Variants in SP4 observed in about 807,000 individuals in gnomAD.
SP4 encodes transcription factor Sp4.
Under a neutral mutation model 72.8 loss-of-function variants are expected in SP4, and 19 were observed. The ratio of observed to expected loss-of-function variants is 0.26; its 90% CI spans 0.18 to 0.38. SP4 has a LOEUF of 0.38. SP4 is among the 10% of genes least tolerant of loss of function. The pLI is 1.00. For synonymous variants in SP4, 395 were observed against 333.1 expected (o/e 1.19, Z -2.02); for missense variants, 1,008 against 926.3 (o/e 1.09, Z -1.14).
chr7:21,452,710 A>T (rs1780990368), intron 3 of SP4, among the ~76,000 whole-genome samples: 1 of 152,180 alleles, frequency 6.6e-6, no homozygotes, highest in African/African-American at 2.4e-5. Context: ...ACTCACAAGT[A>T]GTTTCCAAAT....
chr7:21,503,022 GT>G (rs1781908622), intron 5 of SP4, among the ~76,000 whole-genome samples: 1 of 151,890 alleles, frequency 6.6e-6, no homozygotes, highest in African/African-American at 2.4e-5. Flanking sequence ...CTCGAGTATA[GT>G]GAGTCCACCT....
intron 5 of SP4, among the ~76,000 whole-genome samples, chr7:21,488,308 T>C (rs966531755): frequency 6.6e-6 from 1 of 152,154 alleles, no homozygotes; most frequent in Non-Finnish European, 1.5e-5. Flanking sequence ...CCCCAATTTT[T>C]TGATAGTAGT....
rs140123782 is a variant in SP4, at chr7:21,500,761, C to T, written c.2108-10261C>T. Among the ~76,000 whole-genome samples, 137 of 152,250 alleles carry T rather than the reference C, an allele frequency of 9.0e-4. No individual in the cohort carries two copies. The East Asian group carries it at 0.023, about 26-fold the overall frequency. The stretch of plus-strand genomic sequence containing the variant: ...CTGATTCTAGCTAAAGAAAGCTCTT[C>T]GCTTTTAAGAATTCATGTGATTACA... On this transcript the variant is annotated intron_variant, in intron 5 of 5. Transcript: ENST00000222584.
chr7:21,467,178 A>C (rs932786419), intron 3 of SP4, among the ~76,000 whole-genome samples: 2 of 152,144 alleles, frequency 1.3e-5, no homozygotes, highest in African/African-American at 4.8e-5. Flanking sequence ...TACTCACTAT[A>C]TACCAGTAAT....
intron 5 of SP4, among the ~76,000 whole-genome samples, chr7:21,491,277 G>T (rs141058163): frequency 5.3e-4 from 80 of 152,224 alleles, no homozygotes; most frequent in Middle Eastern, 6.8e-3. Flanking sequence ...TTAAAAGTAA[G>T]TTTATCAGAT....
intron 5 of SP4, among the ~76,000 whole-genome samples, chr7:21,484,875 A>G (rs986782488): frequency 3.9e-5 from 6 of 151,902 alleles, no homozygotes; most frequent in Admixed American, 2.0e-4. Context: ...TTATATATAC[A>G]TATACTTCAA....
rs979958807 is a variant in SP4 at position 21,514,702 on chromosome 7, AC to A, written c.*3434del. The A allele has an allele frequency of 1.3e-5, 2 of 152,228 alleles. No individual in the cohort carries two copies. The highest frequency in any genetic ancestry group is 1.3e-4 in the Admixed American group (2 of 15,276). The allele number at this position is 152,228 out of a possible 1,614,324, so 9.4% of individuals were successfully genotyped here. On this transcript the variant is annotated 3_prime_UTR_variant, in exon 6 of 6. Transcript: ENST00000222584. ...TGTGGATTTGGAAATAAAATCATGT[AC>A]AAGTTGTTGCCTGCAATAACAATTG...
chr7:21,462,706 T>C (rs921975802), intron 3 of SP4, among the ~76,000 whole-genome samples: 5 of 152,200 alleles, frequency 3.3e-5, no homozygotes, highest in Non-Finnish European at 5.9e-5. Context: ...TGCAGAATTA[T>C]GAGAACTGAA....
chr7:21,460,236 G>A (rs999333685), intron 3 of SP4, among the ~76,000 whole-genome samples: 4 of 152,168 alleles, frequency 2.6e-5, no homozygotes, highest in Non-Finnish European at 5.9e-5. Flanking sequence ...TCTTAAAGGC[G>A]GCATGTCCAG....
chr7:21,511,241 A>C lies in SP4; in HGVS notation c.2327A>C (p.Asn776Thr). ...ISQDSNPATP[N>T]VSTNMEEF is the part of the protein sequence containing the mutation. ...CAAGATTCGAATCCAGCAACTCCCA[A>C]TGTTTCAACCAACATGGAAGAATTC... Residue 776 changes from asparagine to threonine, a missense_variant, in exon 6 of 6, where the codon AAT (asparagine) becomes ACT (threonine). Physicochemically the swap from Asn to Thr is moderately conservative, Grantham distance 65 (BLOSUM62 0). Around this residue, in one of 3 missense-constraint regions of SP4, gnomAD observed 67 missense variants for 66.1 expected, o/e 1.01. Transcript: ENST00000222584. The C allele has an allele frequency of 6.2e-7, 1 of 1,614,182 alleles. No individual in the cohort carries two copies. Among genetic ancestry groups the C allele is most frequent in the Non-Finnish European group, 8.5e-7 (1 of 1,180,010 alleles).
chr7:21,478,270 G>A (rs1784574535), intron 4 of SP4, among the ~76,000 whole-genome samples: 1 of 152,160 alleles, frequency 6.6e-6, no homozygotes, highest in Non-Finnish European at 1.5e-5. Flanking sequence ...GTCAATTGAA[G>A]GACATTTGGT....
intron 5 of SP4, among the ~76,000 whole-genome samples, chr7:21,483,050 C>A (rs1265882497): frequency 6.6e-6 from 1 of 152,106 alleles, no homozygotes; most frequent in Non-Finnish European, 1.5e-5. Context: ...AGAGTCTCTA[C>A]AGTGGCTATT....
chr7:21,440,108 T>G (rs1405914181), intron 3 of SP4, among the ~76,000 whole-genome samples: 3 of 152,204 alleles, frequency 2.0e-5, no homozygotes, highest in Admixed American at 2.0e-4. Context: ...AGAGGCTTCG[T>G]AGAGCACAAC....
At chr7:21,497,007 A>C (rs1294755828) in intron 5 of SP4, among the ~76,000 whole-genome samples, 1 of 152,202 alleles carries the variant, frequency 6.6e-6, no homozygotes, top group Non-Finnish European at 1.5e-5. Context: ...GCTCTTCTGA[A>C]TCTCTTAGCT....
intron 3 of SP4, among the ~76,000 whole-genome samples, chr7:21,462,633 A>G (rs1784031723): frequency 6.6e-6 from 1 of 152,230 alleles, no homozygotes. Flanking sequence ...AGTCTTTTGC[A>G]TGGAGATGGT....
intron 3 of SP4, among the ~76,000 whole-genome samples, chr7:21,453,644 T>G (rs984573019): frequency 2.0e-5 from 3 of 152,204 alleles, no homozygotes; most frequent in Admixed American, 6.5e-5. Context: ...TAATAAAACC[T>G]TATAGACAAA....
At chr7:21,463,571 A>G (rs1220930429) in intron 3 of SP4, among the ~76,000 whole-genome samples, 1 of 152,196 alleles carries the variant, frequency 6.6e-6, no homozygotes, top group Non-Finnish European at 1.5e-5. Context: ...GTGTCCACAT[A>G]ACTAGGGAAC....
At chr7:21,433,434 T>C (rs987761713) in intron 3 of SP4, among the ~76,000 whole-genome samples, 2 of 152,250 alleles carry the variant, frequency 1.3e-5, no homozygotes, top group Admixed American at 6.5e-5. Flanking sequence ...GCTTGATGTC[T>C]GCAAGTCAAT....
chr7:21,428,245 A>T lies in SP4; in HGVS notation c.-7A>T. On this transcript the variant is annotated 5_prime_UTR_variant, in exon 1 of 6. The change abolishes an upstream ATG in the 5' untranslated region. Coordinates refer to ENST00000222584, the MANE Select transcript of SP4 (RefSeq NM_003112.5). ...CTCCGTCTGAGGGTTTGTCCTGTTA[A>T]TGCGGGATGAGCGGTACGTATTCTC... 7.4e-7 allele frequency: 1 copy of T among 1,346,384 alleles called. No individual in the cohort carries two copies. The highest frequency in any genetic ancestry group is 2.3e-5 in the Admixed American group (1 of 44,298). 83.4% of individuals were successfully genotyped at this position (1,346,384 alleles called of 1,614,324 possible).
Sources: allele counts gnomAD v4.1 joint callset (sites outside exome capture counted in the v4.1 genomes callset), GRCh38; gene constraint gnomAD v4.1.1; regional missense constraint gnomAD v4.1.1; transcripts MANE v1.5; gene names NCBI Gene and HGNC (gene_info 2026-07-23, HGNC 2026-07-21).